FBXW4: variants seen among roughly 807,000 people sequenced by gnomAD.
FBXW4 encodes F-box/WD repeat-containing protein 4.
FBXW4 carries 40 observed loss-of-function variants against 61.8 expected under a neutral mutation model. That is an observed-to-expected ratio of 0.65 (90% CI 0.50 to 0.84). The LOEUF (loss-of-function observed/expected upper bound fraction) is 0.84, where lower values mean the gene tolerates loss of function less well. FBXW4 is among the 40% of genes least tolerant of loss of function. FBXW4 has a pLI of 0.00. For synonymous variants in FBXW4, 311 were observed against 313.8 expected, an observed-to-expected ratio of 0.99 and a Z score of 0.10; for missense variants, 672 against 753.8, an observed-to-expected ratio of 0.89 and a Z score of 1.27.
chr10:101,666,927 A>AG (rs1335285180), intron 5 of FBXW4, among the ~76,000 whole-genome samples: 1 of 151,574 alleles, frequency 6.6e-6, no homozygotes, highest in Non-Finnish European at 1.5e-5. Context: ...AAAAGAATGA[A>AG]AAAAAAACCA....
chr10:101,618,267 G>A (rs1295977029), intron 6 of FBXW4, among the ~76,000 whole-genome samples: 1 of 152,238 alleles, frequency 6.6e-6, no homozygotes, highest in African/African-American at 2.4e-5. Context: ...TGGCTGACCA[G>A]GTGGCCCTTA....
intron 1 of FBXW4, among the ~76,000 whole-genome samples, chr10:101,693,948 G>C (rs919847537): frequency 2.0e-5 from 3 of 152,150 alleles, no homozygotes; most frequent in Non-Finnish European, 4.4e-5. Flanking sequence ...GATGAAAGAT[G>C]AAAGTCCACA....
rs538548202 is a variant in FBXW4, at chr10:101,636,637, G to T, written c.1236-11827C>A. Among the ~76,000 whole-genome samples, 6 of 151,180 alleles carry T rather than the reference G, an allele frequency of 4.0e-5. No individual in the cohort carries two copies. The South Asian group carries it at 8.4e-4, about 21-fold the overall frequency. ...AGTCTCGCTCTTGTTGCCCAGGCTG[G>T]AGTGTAATGGTGCAATCTCGGCTCT... On this transcript the variant is annotated intron_variant, in intron 5 of 8. Coordinates refer to ENST00000331272, the MANE Select transcript of FBXW4 (RefSeq NM_022039.4).
At chr10:101,679,229 A>C (rs981175004) in intron 1 of FBXW4, among the ~76,000 whole-genome samples, 1 of 152,232 alleles carries the variant, frequency 6.6e-6, no homozygotes, top group Non-Finnish European at 1.5e-5. Context: ...TTTTTAAATT[A>C]TACAGAATGT....
At chr10:101,645,722 G>A (rs2064090436) in intron 5 of FBXW4, among the ~76,000 whole-genome samples, 1 of 152,196 alleles carries the variant, frequency 6.6e-6, no homozygotes, top group South Asian at 2.1e-4. Context: ...TCCAACCAGA[G>A]AATCAAGTCT....
At chr10:101,647,576 CTG>C (rs2064112089) in intron 5 of FBXW4, among the ~76,000 whole-genome samples, 1 of 152,148 alleles carries the variant, frequency 6.6e-6, no homozygotes, top group African/African-American at 2.4e-5. Flanking sequence ...AAATCCCAAA[CTG>C]TAAAACCATG....
intron 5 of FBXW4, among the ~76,000 whole-genome samples, chr10:101,630,967 A>G (rs2134827497): frequency 6.6e-6 from 1 of 152,298 alleles, no homozygotes; most frequent in Admixed American, 6.5e-5. Flanking sequence ...TGCTTGTGGA[A>G]CCTACCATCC....
At chr10:101,653,488 C>T (rs992686943) in intron 5 of FBXW4, among the ~76,000 whole-genome samples, 1 of 152,186 alleles carries the variant, frequency 6.6e-6, no homozygotes, top group East Asian at 1.9e-4. Context: ...TTTAGCTTCC[C>T]CATCTCTTTG....
At chr10:101,667,770 C>T (rs1564920763) in intron 5 of FBXW4, 116 bp downstream of exon 5, 2 of 858,262 alleles carry the variant, frequency 2.3e-6, no homozygotes, top group Non-Finnish European at 3.8e-6. Flanking sequence ...ATCTCCAAGA[C>T]AGTGACTCAA....
At chr10:101,684,729 C>T (rs1475743979) in intron 1 of FBXW4, among the ~76,000 whole-genome samples, 1 of 152,228 alleles carries the variant, frequency 6.6e-6, no homozygotes, top group Non-Finnish European at 1.5e-5. Flanking sequence ...TCTAACTTTT[C>T]ATTTATACTT....
chr10:101,627,182 C>T (rs1347657194), intron 5 of FBXW4, among the ~76,000 whole-genome samples: 2 of 151,912 alleles, frequency 1.3e-5, no homozygotes, highest in East Asian at 3.9e-4. Context: ...GAACCACTGG[C>T]GCTCAGCCTC....
chr10:101,617,839 T>A (rs2063837691), intron 6 of FBXW4, among the ~76,000 whole-genome samples: 1 of 151,172 alleles, frequency 6.6e-6, no homozygotes, highest in African/African-American at 2.4e-5. Context: ...AAAGAAAAAG[T>A]TAAGGGGGGA....
At chr10:101,636,913 C>T (rs1589751782) in intron 5 of FBXW4, among the ~76,000 whole-genome samples, 1 of 152,046 alleles carries the variant, frequency 6.6e-6, no homozygotes, top group African/African-American at 2.4e-5. Flanking sequence ...AAAAGTATCA[C>T]TATCTTTTAG....
At chr10:101,655,181 C>T (rs2134866719) in intron 5 of FBXW4, among the ~76,000 whole-genome samples, 2 of 152,272 alleles carry the variant, frequency 1.3e-5, no homozygotes, top group South Asian at 4.1e-4. Flanking sequence ...GCAGAATTGT[C>T]TGGTTATTGC....
At chr10:101,685,470 G>A (rs528505553) in intron 1 of FBXW4, among the ~76,000 whole-genome samples, 2 of 152,118 alleles carry the variant, frequency 1.3e-5, no homozygotes, top group East Asian at 3.9e-4. Context: ...AATTTTACAG[G>A]GATTTCTATC....
At chr10:101,669,807 T>G (rs1237651936) in intron 4 of FBXW4, among the ~76,000 whole-genome samples, 2 of 150,364 alleles carry the variant, frequency 1.3e-5, no homozygotes, top group African/African-American at 4.9e-5. Context: ...CAGGCTGGAG[T>G]GCAGTGGCGC....
At chr10:101,670,639 T>G (rs936093743) in intron 4 of FBXW4, among the ~76,000 whole-genome samples, 1 of 152,210 alleles carries the variant, frequency 6.6e-6, no homozygotes, top group Admixed American at 6.5e-5. Context: ...TTATCTCCCT[T>G]ACTTCTGAAG....
At chr10:101,687,738 A>G (rs540967814) in intron 1 of FBXW4, among the ~76,000 whole-genome samples, 16 of 152,356 alleles carry the variant, frequency 1.1e-4, no homozygotes, top group East Asian at 7.7e-4. Context: ...ACAAAAGTCT[A>G]GGAACAAATT....
At chr10:101,622,942 A>C (rs2063879341) in intron 6 of FBXW4, 1 of 152,212 alleles carries the variant, frequency 6.6e-6, no homozygotes, top group South Asian at 2.1e-4. Context: ...TGACATGCAA[A>C]TACATGAAGT....
Sources: allele counts gnomAD v4.1 joint callset (sites outside exome capture counted in the v4.1 genomes callset), GRCh38; gene constraint gnomAD v4.1.1; transcripts MANE v1.5; gene names NCBI Gene and HGNC (gene_info 2026-07-23, HGNC 2026-07-21).